Variants in WWP2 observed in about 807,000 individuals in gnomAD.
WWP2 encodes the protein NEDD4-like E3 ubiquitin-protein ligase WWP2.
In WWP2, 57 loss-of-function variants were observed where a neutral mutation model predicts 121.0. That is an observed-to-expected ratio of 0.47 (90% CI 0.38 to 0.59). The LOEUF is 0.59. Ranked by LOEUF, WWP2 falls within the 20% of genes least tolerant of loss-of-function variation. The probability of loss-of-function intolerance (pLI) is 0.00; values close to 1 mark genes in which losing one functional copy is unlikely to be tolerated. For synonymous variants in WWP2, 449 were observed against 441.3 expected (o/e 1.02, Z -0.22); for missense variants, 962 against 1,158.9 (o/e 0.83, Z 2.47).
intron 1 of WWP2, among the ~76,000 whole-genome samples, chr16:69,782,522 T>C (rs1435110654): frequency 2.6e-5 from 4 of 152,136 alleles, no homozygotes; most frequent in Non-Finnish European, 5.9e-5. Flanking sequence ...AGGTCAGTCA[T>C]GTAAGAGGAG....
intron 16 of WWP2, among the ~76,000 whole-genome samples, chr16:69,932,477 G>A (rs2058732019): frequency 6.6e-6 from 1 of 152,264 alleles, no homozygotes; most frequent in Admixed American, 6.5e-5. Context: ...CCTGGGAGGG[G>A]CGAGAGCTCA....
rs60219317 is a variant in WWP2 at position 69,799,898 on chromosome 16, C to T, written c.340+603C>T. 6.6e-6 allele frequency among the ~76,000 whole-genome samples: 1 copy of T among 152,188 alleles called. No homozygotes were observed. The highest frequency in any genetic ancestry group is 2.4e-5 in the African/African-American group (1 of 41,452). On this transcript the variant is annotated intron_variant, in intron 4 of 23. Coordinates refer to ENST00000359154, the MANE Select transcript of WWP2 (RefSeq NM_001270454.2). The surrounding 1 kb of genome is among the most constrained non-coding windows in gnomAD (Gnocchi z 4.5). Reference sequence around the variant, plus strand: ...ATTTATTGCTGTTTGTGGTCAGTGGCATGGCCCATGGCGGTGGTATTGGAC... The same window carrying T: ...ATTTATTGCTGTTTGTGGTCAGTGGTATGGCCCATGGCGGTGGTATTGGAC...
chr16:69,868,522 G>T (rs566890795), intron 6 of WWP2, among the ~76,000 whole-genome samples: 2 of 152,266 alleles, frequency 1.3e-5, no homozygotes, highest in South Asian at 4.1e-4. Context: ...GCTCCCTGAG[G>T]GGTCCAGCTT....
chr16:69,938,157 G>C (rs918772542), intron 21 of WWP2, among the ~76,000 whole-genome samples: 1 of 151,974 alleles, frequency 6.6e-6, no homozygotes, highest in African/African-American at 2.4e-5. Flanking sequence ...GGTGAAATTT[G>C]TATAACATAC....
chr16:69,841,003 C>T (rs2056967278), intron 5 of WWP2, among the ~76,000 whole-genome samples: 1 of 152,138 alleles, frequency 6.6e-6, no homozygotes, highest in African/African-American at 2.4e-5. Context: ...GAGAAAAATC[C>T]CTTAACTGGA....
rs2058816936 is a variant in WWP2 at position 69,937,486 on chromosome 16, T to C, written c.2239-62T>C. The C allele has an allele frequency of 9.6e-6, 15 of 1,557,264 alleles. No individual in the cohort carries two copies. The Admixed American group carries it at 2.5e-4, about 26-fold the overall frequency. ...ATATGTTTGGGGTAATGTCAAGTGC[T>C]AGCGAGTGGACGATGCGCGGGGAGG... On this transcript the variant is annotated intron_variant, in intron 20 of 23. Coordinates refer to ENST00000359154, the MANE Select transcript of WWP2 (RefSeq NM_001270454.2). The surrounding 1 kb of genome is among the most constrained non-coding windows in gnomAD (Gnocchi z 6.6).
chr16:69,896,863 A>C lies in WWP2; in HGVS notation c.914+8614A>C, dbSNP rs750395353. Among the ~76,000 whole-genome samples, 4 of 151,994 alleles carry C rather than the reference A, an allele frequency of 2.6e-5. No individual in the cohort carries two copies. The East Asian group carries it at 7.7e-4, about 29-fold the overall frequency. ...CTGTGAGAGAGCTACTTTTATCCTC[A>C]TCTTGCAAGTGAGGAGAACTTAAGC... On this transcript the variant is annotated intron_variant, in intron 8 of 23. Coordinates refer to ENST00000359154, the MANE Select transcript of WWP2 (RefSeq NM_001270454.2).
chr16:69,826,787 AAATT>A (rs1233017946), intron 4 of WWP2, among the ~76,000 whole-genome samples: 1 of 151,626 alleles, frequency 6.6e-6, no homozygotes, highest in Non-Finnish European at 1.5e-5. Flanking sequence ...ATACAAAAAA[AAATT>A]AGCCGGACAT....
intron 10 of WWP2, among the ~76,000 whole-genome samples, chr16:69,921,586 G>A (rs1324637889): frequency 6.6e-6 from 1 of 152,140 alleles, no homozygotes; most frequent in Non-Finnish European, 1.5e-5. Context: ...CTCCTAGTGT[G>A]CTAATGTTGC....
intron 2 of WWP2, among the ~76,000 whole-genome samples, chr16:69,795,747 A>C (rs2056025831): frequency 7.8e-6 from 1 of 127,872 alleles, no homozygotes; most frequent in African/African-American, 3.0e-5. Context: ...TCCTGGGTTC[A>C]AACAGTTCTC....
Position 69,937,052 on chromosome 16 carries a change from C to T in WWP2, c.2118-66C>T. The T allele has an allele frequency of 1.9e-6, 3 of 1,577,086 alleles. No individual in the cohort carries two copies. The highest frequency in any genetic ancestry group is 2.6e-6 in the Non-Finnish European group (3 of 1,158,934). On this transcript the variant is annotated intron_variant, in intron 19 of 23. Transcript: ENST00000359154. The surrounding 1 kb of genome is among the most constrained non-coding windows in gnomAD (Gnocchi z 6.6). ...GTCCTGCGCGGTAACGGCCACGCGGCCTGGCCGGGAGCCACCCCTGAGCAG... is the reference window on the plus strand; with the variant it reads ...GTCCTGCGCGGTAACGGCCACGCGGTCTGGCCGGGAGCCACCCCTGAGCAG...
chr16:69,852,701 C>A (rs1337383463), intron 6 of WWP2, among the ~76,000 whole-genome samples: 1 of 152,072 alleles, frequency 6.6e-6, no homozygotes, highest in African/African-American at 2.4e-5. Flanking sequence ...GAGTTTTAAG[C>A]ATTTTTTGTA....
chr16:69,916,339 C>T (rs572126380), intron 9 of WWP2, among the ~76,000 whole-genome samples: 24 of 152,124 alleles, frequency 1.6e-4, no homozygotes, highest in African/African-American at 5.1e-4. Flanking sequence ...GGACCAAGGG[C>T]GCACACTCCA....
chr16:69,918,571 G>A (rs528682608), intron 10 of WWP2, among the ~76,000 whole-genome samples: 2 of 152,352 alleles, frequency 1.3e-5, no homozygotes, highest in Admixed American at 1.3e-4. Flanking sequence ...TAAGCCTACT[G>A]TCTGACCCTT....
chr16:69,848,455 A>C (rs1365878797), intron 6 of WWP2, among the ~76,000 whole-genome samples: 1 of 151,642 alleles, frequency 6.6e-6, no homozygotes, highest in African/African-American at 2.4e-5. Context: ...CATCTCAAAA[A>C]AAAAAAACAA....
At chr16:69,803,068 A>G (rs2056203837) in intron 4 of WWP2, among the ~76,000 whole-genome samples, 1 of 151,508 alleles carries the variant, frequency 6.6e-6, no homozygotes, top group Admixed American at 6.6e-5. Context: ...GTACCTTGGC[A>G]TATATTGGAT....
chr16:69,768,597 C>T (rs1353423378), intron 1 of WWP2, among the ~76,000 whole-genome samples: 5 of 151,964 alleles, frequency 3.3e-5, no homozygotes, highest in African/African-American at 9.7e-5. Context: ...GCAACAAGAG[C>T]GAAACTCCTT....
intron 1 of WWP2, among the ~76,000 whole-genome samples, chr16:69,778,090 T>TACAC (rs1555544372): frequency 2.4e-4 from 26 of 108,872 alleles, no homozygotes; most frequent in Admixed American, 5.4e-4. Context: ...TATATATATA[T>TACAC]ACACACACAC....
chr16:69,809,256 T>C (rs916307086), intron 4 of WWP2, among the ~76,000 whole-genome samples: 3 of 152,226 alleles, frequency 2.0e-5, no homozygotes, highest in African/African-American at 7.2e-5. Flanking sequence ...ATGGCGTACG[T>C]AGCCTATGTA....
Sources: allele counts gnomAD v4.1 joint callset (sites outside exome capture counted in the v4.1 genomes callset), GRCh38; gene constraint gnomAD v4.1.1; non-coding constraint Gnocchi (gnomAD v3.1); transcripts MANE v1.5; gene names NCBI Gene and HGNC (gene_info 2026-07-23, HGNC 2026-07-21).